The following ERN1 variants were observed in gnomAD, a reference collection of about 807,000 sequenced individuals.
ERN1 encodes endoplasmic reticulum to nucleus signaling 1.
A neutral mutation model predicts 113.1 loss-of-function variants in ERN1; 39 were observed. The ratio of observed to expected loss-of-function variants is 0.34; its 90% CI spans 0.27 to 0.45. ERN1 has a LOEUF of 0.45. Ranked by LOEUF, ERN1 falls within the 20% of genes least tolerant of loss-of-function variation. ERN1 has a pLI of 1.00. For missense variants in ERN1, 976 were observed against 1,274.8 expected, an observed-to-expected ratio of 0.77 and a Z score of 3.57; for synonymous variants, 507 against 515.9, an observed-to-expected ratio of 0.98 and a Z score of 0.23.
At chr17:64,048,986 G>A in intron 18 of ERN1, 69 bp downstream of exon 18, 1 of 1,441,304 alleles carries the variant, frequency 6.9e-7, no homozygotes, top group Non-Finnish European at 9.3e-7. Flanking sequence ...GGTGGCACCA[G>A]CCCAGCTCTG....
rs899973998 is a variant in ERN1, at chr17:64,044,686, A to G, written c.2721+174T>C. On this transcript the variant is annotated intron_variant, in intron 21 of 21. Transcript: ENST00000433197. This position sits in a 1 kb window ranked among gnomAD's most constrained non-coding sequence, Gnocchi z 4.1. ...CTGCACCTACGTCCCTGAAGGGAAA[A>G]TCAGCGTAAGAGAGGCAACAGCCTG... is the stretch of plus-strand genomic sequence containing the variant. 2.0e-5 allele frequency among the ~76,000 whole-genome samples: 3 copies of G among 152,308 alleles called. No homozygotes were observed. The highest frequency in any genetic ancestry group is 2.9e-5 in the Non-Finnish European group (2 of 68,020).
intron 1 of ERN1, among the ~76,000 whole-genome samples, chr17:64,106,235 T>G (rs1914523725): frequency 6.6e-6 from 1 of 152,220 alleles, no homozygotes; most frequent in African/African-American, 2.4e-5. Flanking sequence ...AGGTAAGACT[T>G]GAAACAAGTT....
chr17:64,070,668 G>GTTCTCTTTT (rs1238376983), intron 6 of ERN1, among the ~76,000 whole-genome samples: 1 of 152,162 alleles, frequency 6.6e-6, no homozygotes, highest in Non-Finnish European at 1.5e-5. Context: ...TTTCAGGACG[G>GTTCTCTTTT]TTCTCTTTTT....
chr17:64,101,332 C>A (rs1914379650), intron 1 of ERN1, among the ~76,000 whole-genome samples: 1 of 152,060 alleles, frequency 6.6e-6, no homozygotes. Context: ...ATCACTTGAA[C>A]CCAGGAGGTG....
In ERN1 at chr17:64,044,107, G is replaced by T. The variant is rs781635978; in HGVS notation, c.2815C>A (p.His939Asn). 12 of 1,612,484 alleles carry T rather than the reference G, an allele frequency of 7.4e-6. No individual in the cohort carries two copies. The highest frequency in any genetic ancestry group is 2.2e-5 in the East Asian group (1 of 44,822). ...FVCYFTSRFP[H>N]LLAHTYRAME... The stretch of plus-strand genomic sequence containing the variant: ...GCCCGGTAGGTGTGTGCGAGGAGGT[G>T]GGGGAAGCGAGATGTGAAGTAGCAC... The change falls in exon 22 of 22, where the codon CAC (histidine) becomes AAC (asparagine). Residue 939 changes from histidine to asparagine, a missense_variant. Transcript: ENST00000433197. This position sits in a 1 kb window ranked among gnomAD's most constrained non-coding sequence, Gnocchi z 4.1.
In ERN1 at chr17:64,075,181, A is replaced by G; in HGVS notation, c.349T>C (p.Tyr117His). 6.5e-7 allele frequency: 1 copy of G among 1,541,448 alleles called. No individual in the cohort carries two copies. Among genetic ancestry groups the G allele is most frequent in the Non-Finnish European group, 8.8e-7 (1 of 1,141,122 alleles). Residue 117 changes from tyrosine to histidine, a missense_variant, in exon 5 of 22, where the codon TAC becomes CAC. Tyr to His is a moderately conservative substitution (Grantham distance 83). This residue lies in a region of ERN1 where 459 missense variants were observed against 581.2 expected (regional missense o/e 0.79). Transcript: ENST00000433197. ...SPCRSSDGIL[Y>H]MGKKQDIWYV... ...TGGAGACAGGAACTCTTACCCATGTAGAGGATTCCATCTGAACTTCGGCAT... is the reference window on the plus strand; with the variant it reads ...TGGAGACAGGAACTCTTACCCATGTGGAGGATTCCATCTGAACTTCGGCAT...
intron 1 of ERN1, among the ~76,000 whole-genome samples, chr17:64,126,342 A>G (rs1915080086): frequency 6.6e-6 from 1 of 152,206 alleles, no homozygotes; most frequent in African/African-American, 2.4e-5. Flanking sequence ...TCCCGAAACC[A>G]AAGAGGTTTC....
chr17:64,129,753 C>A, intron 1 of ERN1: 2 of 397,938 alleles, frequency 5.0e-6, no homozygotes, highest in Non-Finnish European at 8.7e-6. Flanking sequence ...GCTCTTCGGG[C>A]GGCCGACGCC....
chr17:64,065,254 G>A lies in ERN1; in HGVS notation c.876C>T (p.Ser292=), dbSNP rs757669750. 9.3e-6 allele frequency: 15 copies of A among 1,608,360 alleles called. No homozygotes were observed. In the Middle Eastern group the frequency reaches 5.0e-4, roughly 53 times the overall value. Residue 292 remains serine (S), a synonymous_variant, in exon 9 of 22, where the codon AGC becomes AGT. Coordinates refer to ENST00000433197, the MANE Select transcript of ERN1 (RefSeq NM_001433.5). ...GTACCATTGAGGGAGAGGCATAGAG[G>A]CTGGTAGAGTATTTCCCAACATACA... ...PTLYVGKYST[S]LYASPSMVHE...
At chr17:64,077,912 A>AT (rs542519807) in intron 4 of ERN1, among the ~76,000 whole-genome samples, 62 of 151,900 alleles carry the variant, frequency 4.1e-4, no homozygotes, top group Non-Finnish European at 7.7e-4. Context: ...CACCTGGCTA[A>AT]TTTTTTGTAT....
intron 2 of ERN1, among the ~76,000 whole-genome samples, chr17:64,086,636 C>CTTTTT (rs1913935030): frequency 6.2e-5 from 4 of 64,596 alleles, no homozygotes; most frequent in Non-Finnish European, 6.1e-5. Flanking sequence ...TCTTTTCTTT[C>CTTTTT]CTTTTTTTTT....
At chr17:64,080,726 T>C in intron 3 of ERN1, 49 bp downstream of exon 3, 2 of 1,572,014 alleles carry the variant, frequency 1.3e-6, no homozygotes, top group Non-Finnish European at 1.7e-6. Flanking sequence ...ACTGATTGAA[T>C]GAAGAAGACT....
chr17:64,091,287 C>T (rs980240112), intron 2 of ERN1, among the ~76,000 whole-genome samples: 8 of 152,140 alleles, frequency 5.3e-5, no homozygotes, highest in Non-Finnish European at 1.2e-4. Context: ...AAACCAGAAC[C>T]GGAAACTGTC....
At position 64,065,306 on chromosome 17, in the gene ERN1, C is replaced by A. The variant is rs1179897228; in HGVS notation, c.843-19G>T. Reference sequence around the variant, plus strand: ...AGTGGGCCTAGGAGAAAAACAGATACATGCATTCCAGAGTCATTGAATTTC... The same window carrying A: ...AGTGGGCCTAGGAGAAAAACAGATAAATGCATTCCAGAGTCATTGAATTTC... On this transcript the variant is annotated intron_variant, in intron 8 of 21. Coordinates refer to ENST00000433197, the MANE Select transcript of ERN1 (RefSeq NM_001433.5). The A allele has an allele frequency of 1.3e-6, 2 of 1,550,062 alleles. No homozygotes were observed. Among genetic ancestry groups the A allele is most frequent in the Non-Finnish European group, 8.8e-7 (1 of 1,134,420 alleles).
intron 2 of ERN1, among the ~76,000 whole-genome samples, chr17:64,088,226 A>G (rs1269507318): frequency 6.6e-6 from 1 of 151,680 alleles, no homozygotes; most frequent in African/African-American, 2.4e-5. Flanking sequence ...TTTCCGTTGG[A>G]CTCTAGATGA....
At chr17:64,066,144 A>G (rs2143374458) in intron 8 of ERN1, among the ~76,000 whole-genome samples, 1 of 151,946 alleles carries the variant, frequency 6.6e-6, no homozygotes, top group East Asian at 1.9e-4. Context: ...TGAGTCTTGG[A>G]CACACACACA....
At chr17:64,068,142 G>T in intron 7 of ERN1, 48 bp downstream of exon 7, 1 of 1,362,984 alleles carries the variant, frequency 7.3e-7, no homozygotes, top group Non-Finnish European at 1.0e-6. Context: ...TTCCACATAG[G>T]TCAAAAGTAC....
chr17:64,117,657 G>A (rs998398007), intron 1 of ERN1, among the ~76,000 whole-genome samples: 1 of 152,108 alleles, frequency 6.6e-6, no homozygotes, highest in Non-Finnish European at 1.5e-5. Flanking sequence ...GCTATTTGGA[G>A]TGCAGGAAGG....
Position 64,042,715 on chromosome 17 carries a change from T to C in ERN1, c.*1273A>G, listed in dbSNP as rs1428892626. Reference sequence around the variant, plus strand: ...TATGGTACAAACAATTTAGAGACTATTTCTTTGATACTGTTCAATACATTT... The same window carrying C: ...TATGGTACAAACAATTTAGAGACTACTTCTTTGATACTGTTCAATACATTT... On this transcript the variant is annotated 3_prime_UTR_variant, in exon 22 of 22. Coordinates refer to ENST00000433197, the MANE Select transcript of ERN1 (RefSeq NM_001433.5). 1 of 152,238 alleles carries C rather than the reference T, an allele frequency of 6.6e-6. No homozygotes were observed. The highest frequency in any genetic ancestry group is 1.5e-5 in the Non-Finnish European group (1 of 68,046). The allele number at this position is 152,238 out of a possible 1,614,324, so 9.4% of individuals were successfully genotyped here. A position where few individuals can be genotyped will look rare whatever the true frequency, so the allele number is the denominator to read the frequency against.
Sources: gnomAD v4.1 joint callset for allele counts (sites outside exome capture counted in the v4.1 genomes callset) on GRCh38, gnomAD v4.1.1 for gene constraint, gnomAD v4.1.1 regional missense constraint, Gnocchi (gnomAD v3.1) non-coding constraint, MANE v1.5 for transcripts, NCBI Gene and HGNC (gene_info 2026-07-23, HGNC 2026-07-21) for gene names.